AJAP1: variants seen among roughly 807,000 people sequenced by gnomAD.
AJAP1 encodes the protein adherens junction-associated protein 1.
AJAP1 carries 5 observed loss-of-function variants against 35.0 expected under a neutral mutation model. The observed-to-expected ratio is 0.14, with a 90% CI of 0.07 to 0.30. AJAP1 has a LOEUF of 0.30. Among genes scored for constraint, AJAP1 ranks in the 10% least tolerant of loss-of-function variants. The pLI is 1.00. For synonymous variants in AJAP1, 284 were observed against 249.3 expected (o/e 1.14, Z -1.31); for missense variants, 586 against 571.0 (o/e 1.03, Z -0.27).
chr1:4,689,938 T>TC (rs1177447437), intron 1 of AJAP1, among the ~76,000 whole-genome samples: 1 of 152,050 alleles, frequency 6.6e-6, no homozygotes, highest in African/African-American at 2.4e-5. Flanking sequence ...GGGGTGACTG[T>TC]CCCTCAGCCA....
chr1:4,754,716 G>A (rs148779190), intron 2 of AJAP1, among the ~76,000 whole-genome samples: 168 of 152,354 alleles, frequency 1.1e-3, no homozygotes, highest in African/African-American at 3.9e-3. Flanking sequence ...TGCTTTGAAA[G>A]GCCTTCTTGG....
At chr1:4,781,754 G>T (rs977248458) in intron 5 of AJAP1, among the ~76,000 whole-genome samples, 1 of 152,218 alleles carries the variant, frequency 6.6e-6, no homozygotes, top group Non-Finnish European at 1.5e-5. Context: ...GGACCGTGAC[G>T]TGTTCCAGCT....
At position 4,769,894 on chromosome 1, in the gene AJAP1, A is replaced by G; in HGVS notation, c.871A>G (p.Ile291Val). 5.0e-6 allele frequency: 8 copies of G among 1,614,036 alleles called. No individual in the cohort carries two copies. Among genetic ancestry groups the G allele is most frequent in the Non-Finnish European group, 6.8e-6 (8 of 1,179,988 alleles). ...HQIITITVSL[I>V]MVIAALITTL... is the part of the protein sequence containing the mutation. ...GATCATCACCATCACCGTCTCCCTC[A>G]TCATGGTCATAGCTGCTCTCATCAC... is the stretch of plus-strand genomic sequence containing the variant. The change falls in exon 3 of 6, where the codon ATC becomes GTC. Residue 291 changes from isoleucine (I) to valine (V), a missense_variant. Transcript: ENST00000378191.
intron 2 of AJAP1, among the ~76,000 whole-genome samples, chr1:4,749,172 C>A (rs1273427159): frequency 6.6e-6 from 1 of 152,216 alleles, no homozygotes; most frequent in African/African-American, 2.4e-5. Context: ...CGTGAGCTCA[C>A]ACGGTGAGCA....
chr1:4,738,627 G>C (rs558688021), intron 2 of AJAP1, among the ~76,000 whole-genome samples: 5 of 152,112 alleles, frequency 3.3e-5, no homozygotes, highest in Non-Finnish European at 5.9e-5. Context: ...GCAGCACCGC[G>C]GGGGTGTGCA....
chr1:4,723,139 TC>T lies in AJAP1; in HGVS notation c.829+10443del, dbSNP rs1640560939. ...GTAAGGGAGAGAACCATCTAGAGGG[TC>T]CCTGAGGTTTTAGTCTGAGCAACTC... On this transcript the variant is annotated intron_variant, in intron 2 of 5. Coordinates refer to ENST00000378191, the MANE Select transcript of AJAP1 (RefSeq NM_018836.4). The surrounding 1 kb of genome is among the most constrained non-coding windows in gnomAD (Gnocchi z 4.3). Among the ~76,000 whole-genome samples the T allele has an allele frequency of 6.6e-6, 1 of 151,788 alleles. No individual in the cohort carries two copies. Among genetic ancestry groups the T allele is most frequent in the Non-Finnish European group, 1.5e-5 (1 of 67,934 alleles).
Position 4,755,309 on chromosome 1 carries a change from C to T in AJAP1, c.830-14544C>T, listed in dbSNP as rs1177357366. ...CCCTGTGGGAAGTGGGTGCGGGGGA[C>T]TCTCACATGTCCCCCTCCTCTCTCA... On this transcript the variant is annotated intron_variant, in intron 2 of 5. Coordinates refer to ENST00000378191, the MANE Select transcript of AJAP1 (RefSeq NM_018836.4). Among the ~76,000 whole-genome samples, 6 of 152,192 alleles carry T rather than the reference C, an allele frequency of 3.9e-5. No homozygotes were observed. The East Asian group carries it at 1.2e-3, about 29-fold the overall frequency.
At position 4,655,331 on chromosome 1, in the gene AJAP1, A is replaced by AGACCGGCGCCGCGG; in HGVS notation, c.-91_-78dup. On this transcript the variant is annotated 5_prime_UTR_variant, in exon 1 of 6. Transcript: ENST00000378191. The surrounding 1 kb of genome is among the most constrained non-coding windows in gnomAD (Gnocchi z 6.9). ...CGGGAGGCGGCGGACCGAGAGCCGG[A>AGACCGGCGCCGCGG]GACCGGCGCCGCGGGACGGAAGCGA... The AGACCGGCGCCGCGG allele has an allele frequency of 8.5e-7, 1 of 1,176,862 alleles. No homozygotes were observed. Among genetic ancestry groups the AGACCGGCGCCGCGG allele is most frequent in the African/African-American group, 1.6e-5 (1 of 61,016 alleles). 72.9% of individuals were successfully genotyped at this position (1,176,862 alleles called of 1,614,324 possible).
intron 2 of AJAP1, among the ~76,000 whole-genome samples, chr1:4,757,886 T>G (rs1354511194): frequency 6.6e-6 from 1 of 152,166 alleles, no homozygotes; most frequent in Non-Finnish European, 1.5e-5. Flanking sequence ...CACCCAAATC[T>G]CCTCTTGAAT....
intron 2 of AJAP1, among the ~76,000 whole-genome samples, chr1:4,763,390 C>T (rs1641614894): frequency 6.6e-6 from 1 of 152,192 alleles, no homozygotes. Context: ...GATCCTGTCC[C>T]AAGCCGGAAG....
At chr1:4,663,534 C>T (rs906707546) in intron 1 of AJAP1, among the ~76,000 whole-genome samples, 3 of 152,164 alleles carry the variant, frequency 2.0e-5, no homozygotes, top group South Asian at 2.1e-4. Flanking sequence ...TAGATGACAG[C>T]GAACCCATGG....
In AJAP1 at chr1:4,774,701, G is replaced by A. The variant is rs1414588964; in HGVS notation, c.*59+143G>A. On this transcript the variant is annotated intron_variant, in intron 5 of 5. Coordinates refer to ENST00000378191, the MANE Select transcript of AJAP1 (RefSeq NM_018836.4). ...AATGGCATCACTTCTCTGAACATGA[G>A]CCGGCGGGGGGGGCTGGGCTTTTGA... 1.0e-5 allele frequency: 6 copies of A among 580,518 alleles called. No homozygotes were observed. The African/African-American group carries it at 1.1e-4, about 11-fold the overall frequency. The allele number at this position is 580,518 out of a possible 1,614,324, so 36.0% of individuals were successfully genotyped here.
At chr1:4,671,058 T>C (rs1338258187) in intron 1 of AJAP1, among the ~76,000 whole-genome samples, 1 of 152,188 alleles carries the variant, frequency 6.6e-6, no homozygotes, top group African/African-American at 2.4e-5. Context: ...AATAGGCGCA[T>C]GTGTTGGTCT....
chr1:4,727,843 A>G (rs1640702457), intron 2 of AJAP1, among the ~76,000 whole-genome samples: 1 of 152,200 alleles, frequency 6.6e-6, no homozygotes, highest in Admixed American at 6.5e-5. Flanking sequence ...CACAGCCATC[A>G]AGAGGCCTAG....
In AJAP1 at chr1:4,692,985, A is replaced by G. The variant is rs565675782; in HGVS notation, c.30-18915A>G. Among the ~76,000 whole-genome samples, 6 of 152,340 alleles carry G rather than the reference A, an allele frequency of 3.9e-5. No individual in the cohort carries two copies. The South Asian group carries it at 1.0e-3, about 26-fold the overall frequency. ...GGCTATCAAATAATTGTATAAAAAT[A>G]AGCAGTTAATATTTCTATTACAGTG... On this transcript the variant is annotated intron_variant, in intron 1 of 5. Coordinates refer to ENST00000378191, the MANE Select transcript of AJAP1 (RefSeq NM_018836.4). This position sits in a 1 kb window ranked among gnomAD's most constrained non-coding sequence, Gnocchi z 4.4.
At chr1:4,728,917 G>T (rs759398030) in intron 2 of AJAP1, among the ~76,000 whole-genome samples, 5 of 151,972 alleles carry the variant, frequency 3.3e-5, no homozygotes, top group Admixed American at 2.6e-4. Flanking sequence ...GCTCTCCGGG[G>T]CTCCATCGGC....
At chr1:4,773,967 G>A (rs1392016405) in intron 4 of AJAP1, among the ~76,000 whole-genome samples, 1 of 152,196 alleles carries the variant, frequency 6.6e-6, no homozygotes. Context: ...GCTCTGTTGG[G>A]TTTCATTGGC....
intron 2 of AJAP1, among the ~76,000 whole-genome samples, chr1:4,728,878 A>G (rs1570164586): frequency 1.3e-5 from 2 of 151,764 alleles, no homozygotes; most frequent in Non-Finnish European, 2.9e-5. Context: ...CCCTATTGAA[A>G]CCAGCGTCCT....
rs756434142 is a variant in AJAP1, at chr1:4,693,926, A to G, written c.30-17974A>G. Among the ~76,000 whole-genome samples, 1 of 152,230 alleles carries G rather than the reference A, an allele frequency of 6.6e-6. No individual in the cohort carries two copies. The highest frequency in any genetic ancestry group is 6.5e-5 in the Admixed American group (1 of 15,286). On this transcript the variant is annotated intron_variant, in intron 1 of 5. Coordinates refer to ENST00000378191, the MANE Select transcript of AJAP1 (RefSeq NM_018836.4). The surrounding 1 kb of genome is among the most constrained non-coding windows in gnomAD (Gnocchi z 4.4). ...AGGTCCCACCTCAGTGCTGTGGCAC[A>G]GGGATTACATTTCCACAGAAGCTTC...
Sources: gnomAD v4.1 joint callset for allele counts (sites outside exome capture counted in the v4.1 genomes callset) on GRCh38, gnomAD v4.1.1 for gene constraint, Gnocchi (gnomAD v3.1) non-coding constraint, MANE v1.5 for transcripts, NCBI Gene and HGNC (gene_info 2026-07-23, HGNC 2026-07-21) for gene names.